Variants in FSHR observed in about 807,000 individuals in gnomAD.
FSHR encodes the protein follicle stimulating hormone receptor, also known as follicle-stimulating hormone receptor.
In FSHR, 46 loss-of-function variants were observed where a neutral mutation model predicts 52.1. That is an observed-to-expected ratio of 0.88 (90% CI 0.70 to 1.13). FSHR has a LOEUF of 1.13. FSHR is among the 50% of genes most tolerant of loss of function. The pLI, the probability that FSHR is intolerant of heterozygous loss-of-function variation, is 0.00. For synonymous variants in FSHR, 399 were observed against 309.6 expected (o/e 1.29, Z -3.03); for missense variants, 964 against 834.6 (o/e 1.16, Z -1.91).
At chr2:49,152,199 C>T (rs1286221002) in intron 1 of FSHR, among the ~76,000 whole-genome samples, 1 of 152,084 alleles carries the variant, frequency 6.6e-6, no homozygotes, top group Non-Finnish European at 1.5e-5. Flanking sequence ...CAACTTTGTC[C>T]TCTAATACGT....
chr2:49,032,097 C>T (rs1304770465), intron 2 of FSHR, among the ~76,000 whole-genome samples: 1 of 152,172 alleles, frequency 6.6e-6, no homozygotes, highest in Non-Finnish European at 1.5e-5. Context: ...ACTTTACCCT[C>T]CCACCTGAGC....
chr2:48,997,432 T>G, intron 4 of FSHR: 1 of 972,438 alleles, frequency 1.0e-6, no homozygotes, highest in Non-Finnish European at 1.2e-6. Context: ...TGGCTGCAGA[T>G]TCTGTTCGGA....
intron 2 of FSHR, among the ~76,000 whole-genome samples, chr2:49,020,370 G>A (rs1374319455): frequency 6.6e-6 from 1 of 152,206 alleles, no homozygotes; most frequent in African/African-American, 2.4e-5. Context: ...GTCGAAGGCT[G>A]TGGCTCACCT....
intron 2 of FSHR, among the ~76,000 whole-genome samples, chr2:49,067,119 T>C (rs1261812396): frequency 6.6e-6 from 1 of 152,034 alleles, no homozygotes; most frequent in Non-Finnish European, 1.5e-5. Context: ...TTAAAACTCC[T>C]CTCTTAATAC....
At chr2:49,100,510 A>C (rs929090904) in intron 1 of FSHR, among the ~76,000 whole-genome samples, 7 of 152,188 alleles carry the variant, frequency 4.6e-5, no homozygotes, top group African/African-American at 1.4e-4. Context: ...GAAAAAAGGA[A>C]AGTCTCAAGA....
intron 2 of FSHR, among the ~76,000 whole-genome samples, chr2:49,044,131 T>C (rs1490455388): frequency 1.3e-5 from 2 of 152,208 alleles, no homozygotes; most frequent in African/African-American, 4.8e-5. Flanking sequence ...GCTCCTAATA[T>C]GGAAGACTGG....
Position 49,041,449 on chromosome 2 carries a change from A to T in FSHR, c.225-21289T>A, listed in dbSNP as rs143407423. Among the ~76,000 whole-genome samples, 6 of 152,298 alleles carry T rather than the reference A, an allele frequency of 3.9e-5. No homozygotes were observed. In the East Asian group the frequency reaches 1.2e-3, roughly 29 times the overall value. ...AATCATGAATTATACTAGAAAATGG[A>T]AATTGTAATTAGGATGGGCAGGACT... On this transcript the variant is annotated intron_variant, in intron 2 of 9. Transcript: ENST00000406846.
At chr2:48,992,806 C>G (rs1675846058) in intron 4 of FSHR, among the ~76,000 whole-genome samples, 1 of 152,130 alleles carries the variant, frequency 6.6e-6, no homozygotes, top group Non-Finnish European at 1.5e-5. Flanking sequence ...AAAGAGTTGT[C>G]TGCACATGCT....
intron 1 of FSHR, among the ~76,000 whole-genome samples, chr2:49,070,309 A>G (rs1168069378): frequency 6.6e-6 from 1 of 152,198 alleles, no homozygotes; most frequent in Non-Finnish European, 1.5e-5. Context: ...TTATTAAGCC[A>G]TTTAAATAAA....
At chr2:49,135,966 G>A (rs1266945460) in intron 1 of FSHR, among the ~76,000 whole-genome samples, 3 of 151,928 alleles carry the variant, frequency 2.0e-5, no homozygotes, top group South Asian at 2.1e-4. Context: ...GGCTGGCAGA[G>A]GTGGAAGAAA....
intron 8 of FSHR, among the ~76,000 whole-genome samples, chr2:48,979,741 G>T (rs930853664): frequency 6.6e-6 from 1 of 151,884 alleles, no homozygotes; most frequent in Non-Finnish European, 1.5e-5. Flanking sequence ...TTCCATCAAG[G>T]GTTCCCTGTA....
At chr2:49,105,625 C>T (rs1671193670) in intron 1 of FSHR, among the ~76,000 whole-genome samples, 1 of 152,134 alleles carries the variant, frequency 6.6e-6, no homozygotes, top group South Asian at 2.1e-4. Context: ...TCAATGTGCC[C>T]TGTTGGCTCT....
intron 2 of FSHR, 31 bp from the exon 3 acceptor site, chr2:49,020,191 A>C: frequency 6.4e-7 from 1 of 1,553,934 alleles, no homozygotes; most frequent in South Asian, 1.1e-5. Flanking sequence ...AAGTCAAGCC[A>C]GTTCAGTTAC....
chr2:48,962,712 G>C lies in FSHR; in HGVS notation c.*21C>G. ...AGACTGAATTATCATTCAATACTCA[G>C]ATACATTTTCACATTGTGTTTTAGT... On this transcript the variant is annotated 3_prime_UTR_variant, in exon 10 of 10. Transcript: ENST00000406846. The C allele has an allele frequency of 6.2e-7, 1 of 1,608,560 alleles. No homozygotes were observed. Among genetic ancestry groups the C allele is most frequent in the African/African-American group, 1.3e-5 (1 of 74,932 alleles).
intron 1 of FSHR, among the ~76,000 whole-genome samples, chr2:49,138,162 A>G (rs1308788861): frequency 6.6e-6 from 1 of 152,180 alleles, no homozygotes; most frequent in Non-Finnish European, 1.5e-5. Flanking sequence ...AAAAACCACA[A>G]TGAAATAGCA....
intron 1 of FSHR, among the ~76,000 whole-genome samples, chr2:49,098,794 T>C (rs1467702013): frequency 6.8e-6 from 1 of 147,150 alleles, no homozygotes; most frequent in Non-Finnish European, 1.5e-5. Flanking sequence ...TATAATAATA[T>C]ATATTTATAA....
intron 4 of FSHR, chr2:48,997,149 C>T (rs1237159716): frequency 1.1e-6 from 1 of 900,260 alleles, no homozygotes; most frequent in Non-Finnish European, 1.3e-6. Context: ...GTCTCTCTAG[C>T]TTCTGGATAA....
At chr2:48,981,503 C>T (rs1402007483) in intron 8 of FSHR, among the ~76,000 whole-genome samples, 1 of 152,100 alleles carries the variant, frequency 6.6e-6, no homozygotes, top group African/African-American at 2.4e-5. Context: ...TGGTCTAAAC[C>T]AAGGCAGTCT....
intron 4 of FSHR, chr2:49,014,621 A>C: frequency 3.8e-6 from 1 of 260,008 alleles, no homozygotes; most frequent in Non-Finnish European, 7.5e-6. Flanking sequence ...TGGCTGCAAG[A>C]TGTGGGTCAA....
Sources: gnomAD v4.1 joint callset for allele counts (sites outside exome capture counted in the v4.1 genomes callset) on GRCh38, gnomAD v4.1.1 for gene constraint, MANE v1.5 for transcripts, NCBI Gene and HGNC (gene_info 2026-07-23, HGNC 2026-07-21) for gene names.